C3orf62: variants seen among roughly 807,000 people sequenced by gnomAD.
The protein encoded by C3orf62 is chromosome 3 open reading frame 62.
Under a neutral mutation model 21.7 loss-of-function variants are expected in C3orf62, and 16 were observed. The observed-to-expected ratio is 0.74, with a 90% confidence interval of 0.50 to 1.12. The LOEUF is 1.12. Ranked by LOEUF, C3orf62 falls within the 50% of genes most tolerant of loss-of-function variation. The probability of loss-of-function intolerance (pLI) is 0.00; values close to 1 mark genes in which losing one functional copy is unlikely to be tolerated. For synonymous variants in C3orf62, 114 were observed against 117.0 expected, an observed-to-expected ratio of 0.97 and a Z score of 0.17; for missense variants, 310 against 318.8, an observed-to-expected ratio of 0.97 and a Z score of 0.21.
Position 49,268,746 on chromosome 3 carries a change from C to T in C3orf62, c.*2434G>A, listed in dbSNP as rs1016628021. Reference sequence around the variant, plus strand: ...TCTGTTGATAGTTTTTGAGTCTTTCCTTATTTTTCATGACCTCAACAGTCT... The same window carrying T: ...TCTGTTGATAGTTTTTGAGTCTTTCTTTATTTTTCATGACCTCAACAGTCT... On this transcript the variant is annotated 3_prime_UTR_variant, in exon 3 of 3. Coordinates refer to ENST00000343010, the MANE Select transcript of C3orf62 (RefSeq NM_198562.3). The T allele has an allele frequency of 1.3e-5, 2 of 151,904 alleles. No individual in the cohort carries two copies. Among genetic ancestry groups the T allele is most frequent in the South Asian group, 2.1e-4 (1 of 4,830 alleles). The allele number at this position is 151,904 out of a possible 1,614,324, so 9.4% of individuals were successfully genotyped here.
At chr3:49,275,586 A>G (rs2046951178) in intron 1 of C3orf62, among the ~76,000 whole-genome samples, 2 of 112,602 alleles carry the variant, frequency 1.8e-5, no homozygotes, top group African/African-American at 3.5e-5. Flanking sequence ...GCTGGAGTGC[A>G]GTGGCGTGAT....
In C3orf62 at chr3:49,277,045, A is replaced by C; in HGVS notation, c.-173T>G. ...GCGGAGGAACCCGCCATCTGCCAGA[A>C]GCCCCAAAGACGCCCCGCCCCACTT... On this transcript the variant is annotated 5_prime_UTR_variant, in exon 1 of 3. Coordinates refer to ENST00000343010, the MANE Select transcript of C3orf62 (RefSeq NM_198562.3). 6.8e-7 allele frequency: 1 copy of C among 1,466,890 alleles called. No homozygotes were observed. The highest frequency in any genetic ancestry group is 1.4e-5 in the African/African-American group (1 of 71,178). The allele number at this position is 1,466,890 out of a possible 1,614,324, so 90.9% of individuals were successfully genotyped here.
In C3orf62 at chr3:49,270,036, T is replaced by C. The variant is rs2107754421; in HGVS notation, c.*1144A>G. On this transcript the variant is annotated 3_prime_UTR_variant, in exon 3 of 3. Coordinates refer to ENST00000343010, the MANE Select transcript of C3orf62 (RefSeq NM_198562.3). ...TAAACAGCCCTGGCTGGTCCAAAGG[T>C]AGTGAGTTATCTCAATCGACTACTC... is the stretch of plus-strand genomic sequence containing the variant. The C allele has an allele frequency of 6.6e-6, 1 of 152,356 alleles. No individual in the cohort carries two copies. The highest frequency in any genetic ancestry group is 2.4e-5 in the African/African-American group (1 of 41,578). The allele number at this position is 152,356 out of a possible 1,614,324, so 9.4% of individuals were successfully genotyped here.
In C3orf62 at chr3:49,270,527, AATT is replaced by A. The variant is rs1432470000; in HGVS notation, c.*650_*652del. ...AGGCACGAACCACCATGACCAGCTA[AATT>A]ATTATTTTTTTGAGACAGAGTCTTG... On this transcript the variant is annotated 3_prime_UTR_variant, in exon 3 of 3. Coordinates refer to ENST00000343010, the MANE Select transcript of C3orf62 (RefSeq NM_198562.3). The A allele has an allele frequency of 6.6e-6, 1 of 151,674 alleles. No individual in the cohort carries two copies. The highest frequency in any genetic ancestry group is 2.4e-5 in the African/African-American group (1 of 41,226). 9.4% of individuals were successfully genotyped at this position (151,674 alleles called of 1,614,324 possible).
chr3:49,270,058 A>G lies in C3orf62; in HGVS notation c.*1122T>C, dbSNP rs1322931448. ...AGGTAGTGAGTTATCTCAATCGACTACTCACAGTTTCAGATCTAACTCCTT... is the reference window on the plus strand; with the variant it reads ...AGGTAGTGAGTTATCTCAATCGACTGCTCACAGTTTCAGATCTAACTCCTT... On this transcript the variant is annotated 3_prime_UTR_variant, in exon 3 of 3. Transcript: ENST00000343010. The G allele has an allele frequency of 6.6e-6, 1 of 152,060 alleles. No individual in the cohort carries two copies. The highest frequency in any genetic ancestry group is 1.5e-5 in the Non-Finnish European group (1 of 68,022). 9.4% of individuals were successfully genotyped at this position (152,060 alleles called of 1,614,324 possible).
At chr3:49,275,521 T>TTTTTG (rs1559460028) in intron 1 of C3orf62, among the ~76,000 whole-genome samples, 1 of 78,266 alleles carries the variant, frequency 1.3e-5, no homozygotes, top group Non-Finnish European at 2.6e-5. Flanking sequence ...ACTTTGAAGT[T>TTTTTG]TTTTTTTTTT....
At chr3:49,273,399 G>A (rs1260866716) in intron 2 of C3orf62, among the ~76,000 whole-genome samples, 6 of 152,196 alleles carry the variant, frequency 3.9e-5, no homozygotes, top group Non-Finnish European at 1.5e-5. Context: ...ACTCCAGCCT[G>A]GGTAATATGA....
At chr3:49,273,172 C>T (rs960928230) in intron 2 of C3orf62, among the ~76,000 whole-genome samples, 3 of 152,144 alleles carry the variant, frequency 2.0e-5, no homozygotes, top group Admixed American at 6.5e-5. Flanking sequence ...TTGCCTGATC[C>T]CAGCACTGGG....
Position 49,276,770 on chromosome 3 carries a change from C to T in C3orf62, c.103G>A (p.Val35Ile), listed in dbSNP as rs1252283119. The T allele has an allele frequency of 1.9e-6, 3 of 1,614,232 alleles. No individual in the cohort carries two copies. Among genetic ancestry groups the T allele is most frequent in the Middle Eastern group, 1.6e-4 (1 of 6,062 alleles). ...TAAIDRAFEG[V>I]SYSQECTGQQ... ...CCTGTGCACTCCTGGGAATAACTAA[C>T]TCCTTCAAAGGCCCGGTCAATGGCT... The change falls in exon 1 of 3, where the codon GTT becomes ATT. Residue 35 changes from valine (V) to isoleucine (I), a missense_variant. Transcript: ENST00000343010.
Position 49,276,620 on chromosome 3 carries a change from C to G in C3orf62, c.253G>C (p.Ala85Pro). 8 of 1,614,190 alleles carry G rather than the reference C, an allele frequency of 5.0e-6. No individual in the cohort carries two copies. The highest frequency in any genetic ancestry group is 6.8e-6 in the Non-Finnish European group (8 of 1,180,040). The change falls in exon 1 of 3, where the codon GCT (alanine) becomes CCT (proline). Residue 85 changes from alanine to proline, a missense_variant. Transcript: ENST00000343010. ...AAGGCAGGGTTCTCATTCTCAGGAG[C>G]ACATGGGACAGCAGCAAAAGGAGCA... Reference protein sequence around the residue: ...SAAPFAAVPCAPENENPAFAT... With the variant: ...SAAPFAAVPCPPENENPAFAT...
Position 49,276,671 on chromosome 3 carries a change from G to C in C3orf62, c.202C>G (p.His68Asp). 1 of 1,614,240 alleles carries C rather than the reference G, an allele frequency of 6.2e-7. No individual in the cohort carries two copies. Among genetic ancestry groups the C allele is most frequent in the South Asian group, 1.1e-5 (1 of 91,082 alleles). Residue 68 changes from histidine (H) to aspartate (D), a missense_variant, in exon 1 of 3, where the codon CAT (histidine) becomes GAT (aspartate). Physicochemically the swap from His to Asp is moderately conservative, Grantham distance 81. Coordinates refer to ENST00000343010, the MANE Select transcript of C3orf62 (RefSeq NM_198562.3). Reference protein sequence around the residue: ...LPVHRLLCRRHPLAACSSAAP... With the variant: ...LPVHRLLCRRDPLAACSSAAP... ...GCAGAAGAGCAGGCTGCCAGAGGAT[G>C]TCTTCTGCAGAGGAGCCTGTGCACG...
chr3:49,276,593 C>T lies in C3orf62; in HGVS notation c.280G>A (p.Ala94Thr). 1 of 1,614,192 alleles carries T rather than the reference C, an allele frequency of 6.2e-7. No homozygotes were observed. The highest frequency in any genetic ancestry group is 8.5e-7 in the Non-Finnish European group (1 of 1,180,042). ...CAPENENPAF[A>T]TNHAPVNAKP... ...GCATTTACCGGGGCATGGTTTGTTG[C>T]AAAGGCAGGGTTCTCATTCTCAGGA... The change falls in exon 1 of 3, where the codon GCA becomes ACA. Residue 94 changes from alanine (A) to threonine (T), a missense_variant. Ala to Thr is a moderately conservative substitution (Grantham distance 58). Transcript: ENST00000343010.
intron 2 of C3orf62, among the ~76,000 whole-genome samples, chr3:49,272,697 G>A (rs1005862786): frequency 6.6e-6 from 1 of 151,704 alleles, no homozygotes; most frequent in African/African-American, 2.4e-5. Flanking sequence ...GATTACAGGT[G>A]TGCACCACCA....
Position 49,277,084 on chromosome 3 carries a change from G to T in C3orf62, c.-212C>A. ...CCCGCCCCACTTCCCACAGCTTCCT[G>T]GCCCGCCCCGCCGCTGCCTCCCGCC... On this transcript the variant is annotated 5_prime_UTR_variant, in exon 1 of 3. Transcript: ENST00000343010. 6.7e-7 allele frequency: 1 copy of T among 1,489,400 alleles called. No individual in the cohort carries two copies. The highest frequency in any genetic ancestry group is 8.9e-7 in the Non-Finnish European group (1 of 1,118,040). The allele number at this position is 1,489,400 out of a possible 1,614,324, so 92.3% of individuals were successfully genotyped here.
Position 49,271,331 on chromosome 3 carries a change from G to A in C3orf62, c.653C>T (p.Ala218Val). Residue 218 changes from alanine to valine, a missense_variant, in exon 3 of 3, where the codon GCC (alanine) becomes GTC (valine). Ala to Val is a moderately conservative substitution (Grantham distance 64, BLOSUM62 0). Coordinates refer to ENST00000343010, the MANE Select transcript of C3orf62 (RefSeq NM_198562.3). Reference protein sequence around the residue: ...QDSPFKEEAWALLMDKSPQKA... With the variant: ...QDSPFKEEAWVLLMDKSPQKA... ...CTGAGGGCTCTTGTCCATGAGCAGG[G>A]CCCAGGCTTCCTCTTTGAAGGGTGA... 6.2e-7 allele frequency: 1 copy of A among 1,614,188 alleles called. No homozygotes were observed. The highest frequency in any genetic ancestry group is 1.1e-5 in the South Asian group (1 of 91,086).
In C3orf62 at chr3:49,277,154, T is replaced by C. The variant is rs1432279553; in HGVS notation, c.-282A>G. ...GCTGGCCCTACCGGCACCCCCCCTT[T>C]GGCGAGTCGGCAGCCACGTCCTTGT... On this transcript the variant is annotated 5_prime_UTR_variant, in exon 1 of 3. Transcript: ENST00000343010. 12 of 1,419,352 alleles carry C rather than the reference T, an allele frequency of 8.5e-6. No individual in the cohort carries two copies. Among genetic ancestry groups the C allele is most frequent in the African/African-American group, 2.8e-5 (2 of 70,502 alleles). 87.9% of individuals were successfully genotyped at this position (1,419,352 alleles called of 1,614,324 possible). A position where few individuals can be genotyped will look rare whatever the true frequency, so the allele number is the denominator to read the frequency against.
rs953259126 is a variant in C3orf62 at position 49,270,715 on chromosome 3, G to T, written c.*465C>A. 1 of 154,580 alleles carries T rather than the reference G, an allele frequency of 6.5e-6. No individual in the cohort carries two copies. The highest frequency in any genetic ancestry group is 1.4e-5 in the Non-Finnish European group (1 of 69,814). The allele number at this position is 154,580 out of a possible 1,614,324, so 9.6% of individuals were successfully genotyped here. ...TTTTTGTATTTTTAGTGGAGATGGG[G>T]TTTCGCCATGTTGGCCAGGCTGGTC... On this transcript the variant is annotated 3_prime_UTR_variant, in exon 3 of 3. Transcript: ENST00000343010.
In C3orf62 at chr3:49,271,344, C is replaced by G. The variant is rs1223671080; in HGVS notation, c.640G>C (p.Glu214Gln). The G allele has an allele frequency of 6.2e-7, 1 of 1,614,088 alleles. No individual in the cohort carries two copies. Among genetic ancestry groups the G allele is most frequent in the African/African-American group, 1.3e-5 (1 of 74,922 alleles). ...TCCATGAGCAGGGCCCAGGCTTCCT[C>G]TTTGAAGGGTGAATCTTGGCAATGA... is the stretch of plus-strand genomic sequence containing the variant. The part of the protein sequence containing the change: ...CGHCQDSPFK[E>Q]EAWALLMDKS... The change falls in exon 3 of 3, where the codon GAG becomes CAG. Residue 214 changes from glutamate to glutamine, a missense_variant. Physicochemically the swap from Glu to Gln is conservative, Grantham distance 29 (BLOSUM62 2). Coordinates refer to ENST00000343010, the MANE Select transcript of C3orf62 (RefSeq NM_198562.3).
Position 49,274,070 on chromosome 3 carries a change from T to C in C3orf62, c.517A>G (p.Lys173Glu), listed in dbSNP as rs2046933021. The change falls in exon 2 of 3, where the codon AAG becomes GAG. Residue 173 changes from lysine (K) to glutamate (E), a missense_variant. Transcript: ENST00000343010. ...TCACCAATCATATCAAGCAGATCCT[T>C]TGTGACCTCTTGGCTAGAATTGTTG... ...PLNNSSQEVT[K>E]DLLDMIDHTS... 6.8e-6 allele frequency: 11 copies of C among 1,613,768 alleles called. No homozygotes were observed. Among genetic ancestry groups the C allele is most frequent in the Non-Finnish European group, 9.3e-6 (11 of 1,179,774 alleles).
Sources: gnomAD v4.1 joint callset for allele counts (sites outside exome capture counted in the v4.1 genomes callset) on GRCh38, gnomAD v4.1.1 for gene constraint, MANE v1.5 for transcripts, NCBI Gene and HGNC (gene_info 2026-07-23, HGNC 2026-07-21) for gene names.